KIF25: variants seen among roughly 807,000 people sequenced by gnomAD.
KIF25 encodes the protein kinesin-like protein KIF25.
In KIF25, 19 loss-of-function variants were observed where a neutral mutation model predicts 32.9. That is an observed-to-expected ratio of 0.58 (90% CI 0.40 to 0.85). The LOEUF (loss-of-function observed/expected upper bound fraction) is 0.85, where lower values mean the gene tolerates loss of function less well. Ranked by LOEUF, KIF25 falls within the 40% of genes least tolerant of loss-of-function variation. The probability of loss-of-function intolerance (pLI) is 0.00; values close to 1 mark genes in which losing one functional copy is unlikely to be tolerated. For synonymous variants in KIF25, 225 were observed against 213.7 expected, an observed-to-expected ratio of 1.05 and a Z score of -0.46; for missense variants, 485 against 507.0, an observed-to-expected ratio of 0.96 and a Z score of 0.42.
At chr6:168,014,736 C>A (rs1798691846) in intron 4 of KIF25, among the ~76,000 whole-genome samples, 1 of 152,226 alleles carries the variant, frequency 6.6e-6, no homozygotes, top group South Asian at 2.1e-4. Context: ...GATGGAGAAT[C>A]TGGCTGCTGC....
In KIF25 at chr6:168,043,873, G is replaced by A. The variant is rs9364214; in HGVS notation, c.986-954G>A. 2.9e-4 allele frequency among the ~76,000 whole-genome samples: 44 copies of A among 152,350 alleles called. No homozygotes were observed. The East Asian group carries it at 7.5e-3, about 26-fold the overall frequency. ...ATTCTTAACCCTCGTTACGGGTCCT[G>A]AAAAACAGGAAGAGACAGCATTCCT... is the stretch of plus-strand genomic sequence containing the variant. On this transcript the variant is annotated intron_variant, in intron 12 of 12. Transcript: ENST00000643607.
intron 5 of KIF25, among the ~76,000 whole-genome samples, chr6:168,029,054 T>A (rs1798903692): frequency 6.6e-6 from 1 of 152,204 alleles, no homozygotes; most frequent in Non-Finnish European, 1.5e-5. Context: ...CTTTTCTGAT[T>A]CTTATGTCAC....
intron 2 of KIF25, among the ~76,000 whole-genome samples, chr6:168,001,083 C>T (rs1220599494): frequency 6.6e-6 from 1 of 152,204 alleles, no homozygotes; most frequent in Non-Finnish European, 1.5e-5. Context: ...GACTGGTGGC[C>T]ACTTGTCACT....
chr6:168,002,814 A>G (rs1248869969), intron 3 of KIF25, among the ~76,000 whole-genome samples, 155 bp downstream of exon 3: 4 of 152,238 alleles, frequency 2.6e-5, no homozygotes, highest in African/African-American at 9.6e-5. Flanking sequence ...AGGAGCCTTG[A>G]GCTTATTTTC....
chr6:168,005,706 G>A (rs536881994), intron 4 of KIF25, among the ~76,000 whole-genome samples: 16 of 152,186 alleles, frequency 1.1e-4, no homozygotes, highest in Non-Finnish European at 2.1e-4. Context: ...CATCCAGCAC[G>A]GGAGAAGGAT....
intron 6 of KIF25, 75 bp from the exon 7 acceptor site, chr6:168,030,698 C>A: frequency 3.5e-6 from 4 of 1,129,314 alleles, no homozygotes; most frequent in Non-Finnish European, 3.9e-6. Context: ...GTTGTGTTCC[C>A]AGGTTTCTGA....
intron 2 of KIF25, among the ~76,000 whole-genome samples, 189 bp from the exon 3 acceptor site, chr6:168,002,354 G>T (rs970099708): frequency 6.6e-6 from 1 of 151,720 alleles, no homozygotes; most frequent in Non-Finnish European, 1.5e-5. Context: ...CACCTGAGGC[G>T]TGGCCTTGGG....
chr6:168,042,456 C>T, intron 11 of KIF25, 105 bp from the exon 12 acceptor site: 1 of 1,396,892 alleles, frequency 7.2e-7, no homozygotes, highest in Non-Finnish European at 9.8e-7. Context: ...CGTCCATGGC[C>T]TCCCCTCTAC....
At chr6:168,036,750 AGAG>A (rs1445643380) in intron 8 of KIF25, among the ~76,000 whole-genome samples, 1 of 152,150 alleles carries the variant, frequency 6.6e-6, no homozygotes, top group Non-Finnish European at 1.5e-5. Context: ...TAAGGTGTGG[AGAG>A]GAGGAGAATG....
intron 4 of KIF25, among the ~76,000 whole-genome samples, chr6:168,006,438 T>G (rs886778195): frequency 6.6e-6 from 1 of 152,160 alleles, no homozygotes; most frequent in East Asian, 1.9e-4. Context: ...TACAGTATGC[T>G]GAGGAAAGGG....
intron 8 of KIF25, 70 bp from the exon 9 acceptor site, chr6:168,038,483 T>G (rs1231576987): frequency 2.6e-6 from 4 of 1,513,934 alleles, no homozygotes; most frequent in Non-Finnish European, 3.6e-6. Flanking sequence ...CGTCTGGGGC[T>G]ATGATTGGCT....
At chr6:168,021,116 C>G (rs906712957) in intron 5 of KIF25, among the ~76,000 whole-genome samples, 1 of 152,180 alleles carries the variant, frequency 6.6e-6, no homozygotes, top group Non-Finnish European at 1.5e-5. Context: ...GGCAAACCAA[C>G]AGACACATCA....
rs115571062 is a variant in KIF25 at position 168,014,669 on chromosome 6, G to A, written c.-162-3304G>A. 2.3e-3 allele frequency among the ~76,000 whole-genome samples: 352 copies of A among 152,274 alleles called. 1 individual carries two copies. Among genetic ancestry groups the A allele is most frequent in the African/African-American group, 8.0e-3 (332 of 41,542 alleles). On this transcript the variant is annotated intron_variant, in intron 4 of 12. Coordinates refer to ENST00000643607, the MANE Select transcript of KIF25 (RefSeq NM_030615.4). ...GTAACACGGCACTTCATTTCCATTT[G>A]CAATCTAACTCAGCATTTCATCGTT...
At chr6:168,027,545 A>G (rs1798879948) in intron 5 of KIF25, among the ~76,000 whole-genome samples, 1 of 152,052 alleles carries the variant, frequency 6.6e-6, no homozygotes, top group African/African-American at 2.4e-5. Context: ...TTATGAAGAA[A>G]AAGAATGAGA....
At chr6:168,027,048 C>A (rs1355776612) in intron 5 of KIF25, among the ~76,000 whole-genome samples, 1 of 152,106 alleles carries the variant, frequency 6.6e-6, no homozygotes, top group Non-Finnish European at 1.5e-5. Flanking sequence ...CAGGAGGCTG[C>A]GCTGAGCTCA....
intron 2 of KIF25, 125 bp downstream of exon 2, chr6:167,999,445 G>A (rs563387983): frequency 6.6e-6 from 1 of 152,468 alleles, no homozygotes; most frequent in South Asian, 2.1e-4. Flanking sequence ...CTCGAGTTGT[G>A]GGTGGGGGCT....
At chr6:168,011,404 T>G (rs1798645343) in intron 4 of KIF25, among the ~76,000 whole-genome samples, 1 of 152,202 alleles carries the variant, frequency 6.6e-6, no homozygotes, top group South Asian at 2.1e-4. Context: ...ATTCTTTTAG[T>G]TTTTACTTGT....
intron 5 of KIF25, among the ~76,000 whole-genome samples, chr6:168,023,702 G>C (rs1798819512): frequency 1.3e-5 from 2 of 152,216 alleles, no homozygotes; most frequent in Non-Finnish European, 1.5e-5. Flanking sequence ...TGCCCAGCCA[G>C]TTTCCTTTCT....
chr6:168,037,046 A>G (rs1799034527), intron 8 of KIF25, among the ~76,000 whole-genome samples: 1 of 152,240 alleles, frequency 6.6e-6, no homozygotes. Context: ...TGGGTGACAG[A>G]GCGAGACTTT....
Sources: allele counts gnomAD v4.1 joint callset (sites outside exome capture counted in the v4.1 genomes callset), GRCh38; gene constraint gnomAD v4.1.1; transcripts MANE v1.5; gene names NCBI Gene and HGNC (gene_info 2026-07-23, HGNC 2026-07-21).